CBFA2T2: variants seen among roughly 807,000 people sequenced by gnomAD.
CBFA2T2 encodes the protein CBFA2/RUNX1 partner transcriptional co-repressor 2, also known as protein CBFA2T2.
In CBFA2T2, 11 loss-of-function variants were observed where a neutral mutation model predicts 62.2. The ratio of observed to expected loss-of-function variants is 0.18; its 90% CI spans 0.11 to 0.29. CBFA2T2 has a LOEUF of 0.29. Ranked by LOEUF, CBFA2T2 falls within the 10% of genes least tolerant of loss-of-function variation. CBFA2T2 has a pLI of 1.00. For missense variants in CBFA2T2, 592 were observed against 774.1 expected (o/e 0.76, Z 2.79); for synonymous variants, 295 against 287.5 (o/e 1.03, Z -0.27).
At chr20:33,629,973 C>A (rs2122355296) in intron 8 of CBFA2T2, 59 bp downstream of exon 8, 1 of 1,447,180 alleles carries the variant, frequency 6.9e-7, no homozygotes, top group Non-Finnish European at 9.2e-7. Flanking sequence ...GCCCACCAAT[C>A]TGTCACAGAA....
At chr20:33,619,245 C>T (rs1281319881) in intron 3 of CBFA2T2, among the ~76,000 whole-genome samples, 3 of 152,024 alleles carry the variant, frequency 2.0e-5, no homozygotes, top group Admixed American at 6.6e-5. Flanking sequence ...AAAGACCGGG[C>T]GCGGTGGCTC....
At chr20:33,541,664 T>A (rs1282920112) in intron 1 of CBFA2T2, among the ~76,000 whole-genome samples, 1 of 152,226 alleles carries the variant, frequency 6.6e-6, no homozygotes, top group Non-Finnish European at 1.5e-5. Context: ...TCTCTGTCAG[T>A]TACAGGTACA....
Position 33,644,592 on chromosome 20 carries a change from A to G in CBFA2T2, c.1734A>G (p.Thr578=). ...CCCTCGACAAGACCTCGGCAACCAC[A>G]TCGCGTTCCTCAACACCTGCTTCTG... is the stretch of plus-strand genomic sequence containing the variant. ...SPALDKTSAT[T]SRSSTPASVT... The change falls in exon 11 of 11, where the codon ACA becomes ACG. Residue 578 remains threonine, a synonymous_variant. Coordinates refer to ENST00000342704, the MANE Select transcript of CBFA2T2 (RefSeq NM_001032999.3). 2 of 1,612,704 alleles carry G rather than the reference A, an allele frequency of 1.2e-6. No individual in the cohort carries two copies.
At chr20:33,494,570 C>T (rs768310841) in intron 1 of CBFA2T2, among the ~76,000 whole-genome samples, 39 of 151,288 alleles carry the variant, frequency 2.6e-4, no homozygotes, top group African/African-American at 5.6e-4. Context: ...CATGAGCCAC[C>T]GCGCCCGGCC....
chr20:33,631,884 G>T (rs1268856862), intron 8 of CBFA2T2, among the ~76,000 whole-genome samples: 1 of 152,102 alleles, frequency 6.6e-6, no homozygotes, highest in Non-Finnish European at 1.5e-5. Flanking sequence ...TTTTAGTATA[G>T]TATGACAGTA....
intron 1 of CBFA2T2, among the ~76,000 whole-genome samples, chr20:33,593,807 A>C (rs2014769816): frequency 6.6e-6 from 1 of 152,112 alleles, no homozygotes; most frequent in Non-Finnish European, 1.5e-5. Flanking sequence ...AGGATAAATG[A>C]CCTCTTCTTG....
At chr20:33,506,476 A>G (rs889778017) in intron 1 of CBFA2T2, among the ~76,000 whole-genome samples, 1 of 152,200 alleles carries the variant, frequency 6.6e-6, no homozygotes, top group East Asian at 1.9e-4. Flanking sequence ...TAACAACTGT[A>G]TTATGGAGCT....
intron 1 of CBFA2T2, among the ~76,000 whole-genome samples, chr20:33,536,358 T>A (rs866470262): frequency 1.0e-3 from 135 of 129,022 alleles, no homozygotes; most frequent in Non-Finnish European, 1.5e-3. Flanking sequence ...GGCTCCTCAC[T>A]TCCCAGTAGG....
At chr20:33,565,378 A>T (rs1001655571) in intron 1 of CBFA2T2, among the ~76,000 whole-genome samples, 3 of 152,202 alleles carry the variant, frequency 2.0e-5, no homozygotes, top group African/African-American at 7.2e-5. Context: ...TCCTTCAGTG[A>T]GAAAACACTT....
chr20:33,504,604 A>G (rs1404586390), intron 1 of CBFA2T2, among the ~76,000 whole-genome samples: 3 of 151,930 alleles, frequency 2.0e-5, no homozygotes, highest in African/African-American at 7.3e-5. Context: ...GGGTTTCACC[A>G]TGTTGGCCAG....
intron 1 of CBFA2T2, among the ~76,000 whole-genome samples, chr20:33,517,689 CT>C (rs34816419): frequency 0.9 from 122,075 of 135,490 alleles, 55,694 homozygotes; most frequent in Non-Finnish European, 0.99. Context: ...TATATTTTGC[CT>C]TTTTTTTTTT....
chr20:33,579,105 G>GTTTT (rs1299627561), intron 1 of CBFA2T2, among the ~76,000 whole-genome samples: 1 of 140,184 alleles, frequency 7.1e-6, no homozygotes, highest in African/African-American at 2.7e-5. Flanking sequence ...TTTTTTGGGG[G>GTTTT]TTTTTTTTTG....
chr20:33,493,068 GTTTTTTTTTTT>G (rs1157324208), intron 1 of CBFA2T2, among the ~76,000 whole-genome samples: 3 of 88,114 alleles, frequency 3.4e-5, no homozygotes, highest in South Asian at 8.3e-4. Flanking sequence ...TGAAGTTTTG[GTTTTTTTTTTT>G]TTTTTTTTTT....
At chr20:33,624,735 T>C in intron 5 of CBFA2T2, 29 bp from the exon 6 acceptor site, 1 of 1,610,728 alleles carries the variant, frequency 6.2e-7, no homozygotes, top group Non-Finnish European at 8.5e-7. Flanking sequence ...GTTGACAGGA[T>C]CAGATACGCA....
At chr20:33,494,232 CATATATATGTGTAT>C (rs1449607036) in intron 1 of CBFA2T2, among the ~76,000 whole-genome samples, 52 of 60,032 alleles carry the variant, frequency 8.7e-4, no homozygotes, top group African/African-American at 3.0e-3. Flanking sequence ...ATGTATTAGG[CATATATATGTGTAT>C]ATATATATAT....
chr20:33,539,728 T>G (rs538765941), intron 1 of CBFA2T2, among the ~76,000 whole-genome samples: 193 of 151,060 alleles, frequency 1.3e-3, no homozygotes, highest in African/African-American at 4.6e-3. Flanking sequence ...TGTCTGTCAC[T>G]CAGGCTGGAG....
At chr20:33,634,038 G>A (rs571326801) in intron 8 of CBFA2T2, among the ~76,000 whole-genome samples, 6 of 152,084 alleles carry the variant, frequency 3.9e-5, no homozygotes, top group South Asian at 2.1e-4. Context: ...GTGCAGTCTC[G>A]GCTCACTGCA....
chr20:33,577,782 C>T (rs1309638940), intron 1 of CBFA2T2, among the ~76,000 whole-genome samples: 1 of 152,104 alleles, frequency 6.6e-6, no homozygotes, highest in Non-Finnish European at 1.5e-5. Flanking sequence ...CTTCTCTGAG[C>T]CTTAGCTTCT....
intron 1 of CBFA2T2, among the ~76,000 whole-genome samples, chr20:33,590,384 G>T (rs1041785990): frequency 6.6e-6 from 1 of 152,002 alleles, no homozygotes; most frequent in African/African-American, 2.4e-5. Flanking sequence ...TTAATTAGCG[G>T]CAACTCTTAG....
Sources: gnomAD v4.1 joint callset for allele counts (sites outside exome capture counted in the v4.1 genomes callset) on GRCh38, gnomAD v4.1.1 for gene constraint, MANE v1.5 for transcripts, NCBI Gene and HGNC (gene_info 2026-07-23, HGNC 2026-07-21) for gene names.